The following CRB1 variants were observed in gnomAD, a reference collection of about 807,000 sequenced individuals.
CRB1 encodes crumbs cell polarity complex component 1.
Under a neutral mutation model 120.0 loss-of-function variants are expected in CRB1, and 83 were observed. That is an observed-to-expected ratio of 0.69 (90% CI 0.58 to 0.83). CRB1 has a LOEUF of 0.83. CRB1 is among the 40% of genes least tolerant of loss of function. The pLI is 0.00. For synonymous variants in CRB1, 625 were observed against 612.5 expected (o/e 1.02, Z -0.30); for missense variants, 1,699 against 1,687.6 (o/e 1.01, Z -0.12).
the CRB1 span, among the ~76,000 whole-genome samples, chr1:197,208,941 A>G: frequency 6.6e-6 from 1 of 152,102 alleles, no homozygotes; most frequent in Non-Finnish European, 1.5e-5. Flanking sequence ...TCTCAGGCCA[A>G]TGGAGTTACG....
intron 1 of CRB1, among the ~76,000 whole-genome samples, chr1:197,326,340 C>T (rs192033221): frequency 4.3e-4 from 66 of 152,170 alleles, no homozygotes; most frequent in African/African-American, 1.5e-3. Flanking sequence ...TTATAGAGGC[C>T]GGGGACTGTG....
rs760861776 is a variant in CRB1 at position 197,429,106 on chromosome 1, G to A, written c.2677-343G>A. 9.9e-6 allele frequency: 15 copies of A among 1,521,114 alleles called. No individual in the cohort carries two copies. The highest frequency in any genetic ancestry group is 4.9e-5 in the East Asian group (2 of 40,836). The allele number at this position is 1,521,114 out of a possible 1,614,324, so 94.2% of individuals were successfully genotyped here. A position where few individuals can be genotyped will look rare whatever the true frequency, so the allele number is the denominator to read the frequency against. ...CTTCTTTTTATCATCTATAAAACCA[G>A]GAGTAAGAATCCCTTCCTCAAATGA... On this transcript the variant is annotated intron_variant, in intron 7 of 11. Coordinates refer to ENST00000367400, the MANE Select transcript of CRB1 (RefSeq NM_201253.3).
intron 5 of CRB1, among the ~76,000 whole-genome samples, chr1:197,368,401 A>G (rs888202319): frequency 6.6e-6 from 1 of 152,224 alleles, no homozygotes. Flanking sequence ...GTTAATTTCT[A>G]TGAACAAAAC....
the CRB1 span, among the ~76,000 whole-genome samples, chr1:197,236,524 A>G: frequency 6.6e-6 from 1 of 152,036 alleles, no homozygotes; most frequent in Non-Finnish European, 1.5e-5. Context: ...TTATTGACTT[A>G]TTGCACTGGC....
Position 197,477,896 on chromosome 1 carries a change from C to A in CRB1, c.*17C>A. On this transcript the variant is annotated 3_prime_UTR_variant, in exon 12 of 12. Transcript: ENST00000367400. The stretch of plus-strand genomic sequence containing the variant: ...CTGATTTAGGAGCATTGTGTCCCTT[C>A]GAGATGGGGATCCACACACTGTGAA... 6.2e-7 allele frequency: 1 copy of A among 1,610,224 alleles called. No homozygotes were observed. The highest frequency in any genetic ancestry group is 8.5e-7 in the Non-Finnish European group (1 of 1,176,664).
Position 197,421,262 on chromosome 1 carries a change from C to T in CRB1, c.1434C>T (p.Ser478=). The change falls in exon 6 of 12, where the codon TCC becomes TCT. Residue 478 remains serine (S), a synonymous_variant. Transcript: ENST00000367400. Reference sequence around the variant, plus strand: ...TATGTCCATCTGGCTACACCGGGTCCCTGTGTGAAATCGCAACCACACTTT... The same window carrying T: ...TATGTCCATCTGGCTACACCGGGTCTCTGTGTGAAATCGCAACCACACTTT... The part of the protein sequence containing the change: ...SCLCPSGYTG[S]LCEIATTLSF... 2 of 1,614,176 alleles carry T rather than the reference C, an allele frequency of 1.2e-6. No homozygotes were observed. Among genetic ancestry groups the T allele is most frequent in the Non-Finnish European group, 1.7e-6 (2 of 1,180,010 alleles).
intron 1 of CRB1, among the ~76,000 whole-genome samples, chr1:197,327,037 CACTT>C (rs952624153): frequency 8.4e-5 from 12 of 143,060 alleles, no homozygotes; most frequent in Admixed American, 2.2e-4. Flanking sequence ...ATTTACCAAA[CACTT>C]ACGATGTGTC....
At chr1:197,399,128 A>G (rs906819172) in intron 5 of CRB1, among the ~76,000 whole-genome samples, 1 of 152,084 alleles carries the variant, frequency 6.6e-6, no homozygotes, top group Admixed American at 6.6e-5. Flanking sequence ...CTACTTGAGG[A>G]AATCTTCCTT....
intron 5 of CRB1, among the ~76,000 whole-genome samples, chr1:197,381,320 C>T (rs753823230): frequency 2.6e-5 from 4 of 152,218 alleles, no homozygotes; most frequent in Non-Finnish European, 5.9e-5. Flanking sequence ...TAGATTATTA[C>T]TATACTTGAA....
At chr1:197,422,776 G>A (rs1322140149) in intron 6 of CRB1, 2 of 152,096 alleles carry the variant, frequency 1.3e-5, no homozygotes, top group East Asian at 3.8e-4. Flanking sequence ...GTAACGGACT[G>A]CTTTGAAGTT....
chr1:197,353,934 C>T (rs540659173), intron 4 of CRB1, among the ~76,000 whole-genome samples: 21 of 145,778 alleles, frequency 1.4e-4, no homozygotes, highest in African/African-American at 4.3e-4. Flanking sequence ...CATTTTGGGG[C>T]GAGCAGTATA....
chr1:197,435,016 G>A lies in CRB1; in HGVS notation c.3153G>A (p.Trp1051Ter), dbSNP rs1249210332. 1 of 1,613,930 alleles carries A rather than the reference G, an allele frequency of 6.2e-7. No homozygotes were observed. Among genetic ancestry groups the A allele is most frequent in the East Asian group, 2.2e-5 (1 of 44,878 alleles). ...ACCCACTGTCCCAGACCTCCAGGTG[G>A]CAAATGGAAGTGGACAACGAAACAC... Reference protein sequence around the residue: ...MTDPLSQTSRWQMEVDNETPF... With the variant: ...MTDPLSQTSR Residue 1051 changes from tryptophan to a stop codon, truncating the protein, a stop_gained, in exon 9 of 12, where the codon TGG becomes TGA. Coordinates refer to ENST00000367400, the MANE Select transcript of CRB1 (RefSeq NM_201253.3). LOFTEE classifies it high-confidence loss of function.
At chr1:197,467,772 G>A (rs1465018061) in intron 11 of CRB1, among the ~76,000 whole-genome samples, 2 of 152,080 alleles carry the variant, frequency 1.3e-5, no homozygotes, top group Admixed American at 6.6e-5. Flanking sequence ...GTTAGTAGAC[G>A]ACCCAGCAGA....
At chr1:197,301,226 C>A (rs933574791) in intron 1 of CRB1, among the ~76,000 whole-genome samples, 2 of 151,242 alleles carry the variant, frequency 1.3e-5, no homozygotes, top group African/African-American at 4.9e-5. Flanking sequence ...AGTGCAGTGG[C>A]GCGACCTCGG....
the CRB1 span, among the ~76,000 whole-genome samples, chr1:197,242,710 C>T: frequency 2.0e-5 from 3 of 152,094 alleles, no homozygotes; most frequent in Non-Finnish European, 4.4e-5. Flanking sequence ...GGAGGAGTCC[C>T]TCTTTTTATA....
chr1:197,364,528 G>T lies in CRB1; in HGVS notation c.1171+7515G>T, dbSNP rs372391312. On this transcript the variant is annotated intron_variant, in intron 5 of 11. Coordinates refer to ENST00000367400, the MANE Select transcript of CRB1 (RefSeq NM_201253.3). The stretch of plus-strand genomic sequence containing the variant: ...GGGACTCTAATCATACAAATATTGG[G>T]TCTTTTGCTATGCTTCCAGAGGTTT... Among the ~76,000 whole-genome samples the T allele has an allele frequency of 6.3e-4, 96 of 152,164 alleles. 1 individual carries two copies. The highest frequency in any genetic ancestry group is 2.0e-3 in the African/African-American group (82 of 41,520).
intron 10 of CRB1, 189 bp downstream of exon 10, chr1:197,438,864 T>A: frequency 1.7e-6 from 1 of 578,998 alleles, no homozygotes; most frequent in Non-Finnish European, 2.9e-6. Flanking sequence ...GGGGAGAACA[T>A]TTTATTAGAC....
At chr1:197,423,060 T>C (rs1271977016) in intron 6 of CRB1, among the ~76,000 whole-genome samples, 1 of 152,212 alleles carries the variant, frequency 6.6e-6, no homozygotes, top group Non-Finnish European at 1.5e-5. Context: ...TGTGATTTTT[T>C]TTAAGGAGAA....
intron 1 of CRB1, among the ~76,000 whole-genome samples, chr1:197,305,451 G>A (rs1011413622): frequency 6.6e-6 from 1 of 152,050 alleles, no homozygotes; most frequent in Admixed American, 6.6e-5. Context: ...GAATTAGAAT[G>A]TCTGAAGTAG....
Sources: gnomAD v4.1 joint callset for allele counts (sites outside exome capture counted in the v4.1 genomes callset) on GRCh38, gnomAD v4.1.1 for gene constraint, MANE v1.5 for transcripts, NCBI Gene and HGNC (gene_info 2026-07-23, HGNC 2026-07-21) for gene names.